Variants in DLG2 observed in about 807,000 individuals in gnomAD.
DLG2 encodes discs large MAGUK scaffold protein 2, also known as disks large homolog 2.
Under a neutral mutation model 132.5 loss-of-function variants are expected in DLG2, and 45 were observed. That is an observed-to-expected ratio of 0.34 (90% CI 0.27 to 0.44). The LOEUF is 0.44. Among genes scored for constraint, DLG2 ranks in the 20% least tolerant of loss-of-function variants. The probability of loss-of-function intolerance (pLI) is 1.00; values close to 1 mark genes in which losing one functional copy is unlikely to be tolerated. For synonymous variants in DLG2, 424 were observed against 419.6 expected (o/e 1.01, Z -0.13); for missense variants, 1,045 against 1,196.9 (o/e 0.87, Z 1.87).
intron 12 of DLG2, among the ~76,000 whole-genome samples, chr11:83,971,827 A>T (rs573409676): frequency 1.3e-5 from 2 of 152,340 alleles, no homozygotes; most frequent in East Asian, 3.9e-4. Context: ...AAATCTCCAT[A>T]GTACTCTGAA....
chr11:85,210,170 T>A (rs1337285662), intron 4 of DLG2, among the ~76,000 whole-genome samples: 1 of 152,166 alleles, frequency 6.6e-6, no homozygotes, highest in Non-Finnish European at 1.5e-5. Flanking sequence ...AAAGACATAT[T>A]TTTTTGGGTC....
At chr11:85,536,358 C>G (rs956801739) in intron 3 of DLG2, among the ~76,000 whole-genome samples, 5 of 152,144 alleles carry the variant, frequency 3.3e-5, no homozygotes, top group Non-Finnish European at 7.4e-5. Context: ...ACCCCAGAAG[C>G]AGACTCTTTC....
intron 6 of DLG2, among the ~76,000 whole-genome samples, chr11:85,017,726 A>G (rs892043287): frequency 1.3e-5 from 2 of 152,182 alleles, no homozygotes; most frequent in Non-Finnish European, 2.9e-5. Context: ...GCTACTGGAG[A>G]TATCAGTCAA....
intron 4 of DLG2, among the ~76,000 whole-genome samples, 154 bp from the exon 5 acceptor site, chr11:85,154,805 C>T (rs2077486267): frequency 2.0e-5 from 3 of 152,122 alleles, no homozygotes; most frequent in Admixed American, 1.3e-4. Context: ...TACTATCTAA[C>T]CCATTTTTAT....
chr11:85,117,979 T>C (rs561568654), intron 5 of DLG2, among the ~76,000 whole-genome samples: 118 of 152,190 alleles, frequency 7.8e-4, no homozygotes, highest in African/African-American at 2.8e-3. Context: ...ACTTCTATTA[T>C]TACATCCCAT....
intron 18 of DLG2, among the ~76,000 whole-genome samples, chr11:83,729,140 T>C (rs1488438942): frequency 2.0e-5 from 3 of 152,202 alleles, no homozygotes; most frequent in Non-Finnish European, 4.4e-5. Context: ...ATATTTCTTA[T>C]TTATCAACTG....
chr11:85,557,048 G>T (rs909674873), intron 3 of DLG2, among the ~76,000 whole-genome samples: 2 of 151,868 alleles, frequency 1.3e-5, no homozygotes, highest in African/African-American at 4.8e-5. Flanking sequence ...AAACTCTAAA[G>T]ATTCTACCAA....
In DLG2 at chr11:84,479,650, G is replaced by A. The variant is rs568492163; in HGVS notation, c.519+54920C>T. On this transcript the variant is annotated intron_variant, in intron 7 of 27. Coordinates refer to ENST00000376104, the MANE Select transcript of DLG2 (RefSeq NM_001142699.3). The stretch of plus-strand genomic sequence containing the variant: ...GATAGCCATATATTATAATGGAAAA[G>A]TAGAACACATGCAAAAGGAACAGTA... Among the ~76,000 whole-genome samples the A allele has an allele frequency of 3.3e-5, 5 of 152,148 alleles. No homozygotes were observed. In the East Asian group the frequency reaches 9.7e-4, roughly 29 times the overall value.
chr11:85,094,447 T>A (rs2069385260), intron 6 of DLG2, among the ~76,000 whole-genome samples: 1 of 152,210 alleles, frequency 6.6e-6, no homozygotes, highest in Non-Finnish European at 1.5e-5. Flanking sequence ...ACATTGAAAG[T>A]CTGTTGTTTA....
intron 6 of DLG2, among the ~76,000 whole-genome samples, chr11:84,943,357 TCTGCCTTCCTAACTGCCTGCCTTC>T (rs1288028438): frequency 6.6e-6 from 1 of 151,954 alleles, no homozygotes; most frequent in Non-Finnish European, 1.5e-5. Context: ...TGCCTGCCTT[TCTGCCTTCCTAACTGCCTGCCTTC>T]CTGCCTTCCT....
chr11:84,483,035 A>T (rs750043979), intron 7 of DLG2, among the ~76,000 whole-genome samples: 24 of 152,208 alleles, frequency 1.6e-4, no homozygotes, highest in Non-Finnish European at 2.8e-4. Context: ...AAAGCATTCA[A>T]TGTAAAACTC....
chr11:85,156,817 G>A (rs78007841), intron 4 of DLG2, among the ~76,000 whole-genome samples: 4,603 of 152,222 alleles, frequency 0.03, 108 homozygotes, highest in Non-Finnish European at 0.045. Flanking sequence ...GATTGAGCTC[G>A]GCATTTCTCT....
At chr11:84,725,727 T>A (rs1028295373) in intron 6 of DLG2, among the ~76,000 whole-genome samples, 1 of 152,180 alleles carries the variant, frequency 6.6e-6, no homozygotes. Flanking sequence ...ATGGTGATAA[T>A]ACTATAGCAT....
At chr11:85,457,936 T>A (rs2092473731) in intron 3 of DLG2, among the ~76,000 whole-genome samples, 1 of 152,206 alleles carries the variant, frequency 6.6e-6, no homozygotes, top group Admixed American at 6.5e-5. Context: ...TTATTTAGTA[T>A]CTTGCTGAAG....
At chr11:84,128,761 G>A (rs1007909761) in intron 9 of DLG2, among the ~76,000 whole-genome samples, 1 of 151,966 alleles carries the variant, frequency 6.6e-6, no homozygotes, top group African/African-American at 2.4e-5. Context: ...ATAATCAAGC[G>A]AGGCTGTGCA....
chr11:84,853,045 G>A (rs1465637808), intron 6 of DLG2, among the ~76,000 whole-genome samples: 1 of 151,956 alleles, frequency 6.6e-6, no homozygotes, highest in East Asian at 1.9e-4. Context: ...AGTTTCCTCA[G>A]TAATTATCAT....
chr11:83,567,884 A>G (rs867023614), intron 19 of DLG2, among the ~76,000 whole-genome samples: 1 of 152,204 alleles, frequency 6.6e-6, no homozygotes. Context: ...AGAATGTCAA[A>G]AACTGAAGAA....
intron 8 of DLG2, among the ~76,000 whole-genome samples, chr11:84,250,316 T>C (rs553603852): frequency 1.1e-4 from 17 of 152,304 alleles, no homozygotes; most frequent in East Asian, 5.8e-4. Context: ...TGCTTGGTCA[T>C]TGAAGGGATT....
intron 7 of DLG2, among the ~76,000 whole-genome samples, chr11:84,297,294 C>T (rs1187987982): frequency 6.6e-6 from 1 of 152,106 alleles, no homozygotes; most frequent in Non-Finnish European, 1.5e-5. Flanking sequence ...AATCTAGGAA[C>T]TTACTAGATG....
Sources: gnomAD v4.1 joint callset for allele counts (sites outside exome capture counted in the v4.1 genomes callset) on GRCh38, gnomAD v4.1.1 for gene constraint, MANE v1.5 for transcripts, NCBI Gene and HGNC (gene_info 2026-07-23, HGNC 2026-07-21) for gene names.